The following PLEKHM2 variants were observed in gnomAD, a reference collection of about 807,000 sequenced individuals.
PLEKHM2 encodes the protein pleckstrin homology and RUN domain containing M2.
Under a neutral mutation model 116.3 loss-of-function variants are expected in PLEKHM2, and 77 were observed. That is an observed-to-expected ratio of 0.66 (90% CI 0.55 to 0.80). The LOEUF (loss-of-function observed/expected upper bound fraction) is 0.80. PLEKHM2 is among the 30% of genes least tolerant of loss of function. The pLI is 0.00. For missense variants in PLEKHM2, 1,183 were observed against 1,354.9 expected, an observed-to-expected ratio of 0.87 and a Z score of 1.99; for synonymous variants, 562 against 571.0, an observed-to-expected ratio of 0.98 and a Z score of 0.22.
intron 15 of PLEKHM2, 32 bp from the exon 16 acceptor site, chr1:15,731,160 G>C (rs187787997): frequency 7.8e-6 from 12 of 1,539,128 alleles, no homozygotes; most frequent in African/African-American, 1.4e-5. Context: ...TCCTGGGACA[G>C]GCCTCACTCG....
intron 1 of PLEKHM2, among the ~76,000 whole-genome samples, chr1:15,711,857 G>A (rs1464877915): frequency 1.3e-5 from 2 of 151,872 alleles, no homozygotes; most frequent in East Asian, 1.9e-4. Flanking sequence ...GGTGGCTCAC[G>A]CCTGTAATCC....
intron 1 of PLEKHM2, among the ~76,000 whole-genome samples, chr1:15,695,958 A>G (rs1571024255): frequency 1.4e-5 from 2 of 145,674 alleles, no homozygotes; most frequent in Admixed American, 7.1e-5. Context: ...GTGCACCACC[A>G]CGTCCAACTA....
intron 1 of PLEKHM2, among the ~76,000 whole-genome samples, chr1:15,689,188 T>A: frequency 6.9e-6 from 1 of 144,136 alleles, no homozygotes; most frequent in East Asian, 2.0e-4. Flanking sequence ...GCGGAGGTTG[T>A]GGTGAGTTGT....
intron 1 of PLEKHM2, 84 bp downstream of exon 1, chr1:15,684,702 C>T: frequency 4.1e-6 from 3 of 729,162 alleles, no homozygotes; most frequent in Non-Finnish European, 5.5e-6. Context: ...GGGCCGGGGC[C>T]CCCCGCCCTT....
intron 1 of PLEKHM2, among the ~76,000 whole-genome samples, chr1:15,696,955 A>T (rs981276043): frequency 2.0e-5 from 3 of 152,178 alleles, no homozygotes; most frequent in African/African-American, 7.2e-5. Context: ...GGGTCCCCCC[A>T]GGATCCCCCA....
chr1:15,699,667 C>G (rs1348873808), intron 1 of PLEKHM2, among the ~76,000 whole-genome samples: 2 of 152,068 alleles, frequency 1.3e-5, no homozygotes, highest in Non-Finnish European at 2.9e-5. Flanking sequence ...GTGCATGTGT[C>G]TTTACCACAT....
chr1:15,731,930 A>G lies in PLEKHM2; in HGVS notation c.2507A>G (p.Asp836Gly). The G allele has an allele frequency of 6.2e-7, 1 of 1,611,462 alleles. No homozygotes were observed. The highest frequency in any genetic ancestry group is 8.5e-7 in the Non-Finnish European group (1 of 1,179,340). Residue 836 changes from aspartate (D) to glycine (G), a missense_variant, in exon 17 of 20, where the codon GAT (aspartate) becomes GGT (glycine). By Grantham distance (94) the Asp-to-Gly change is moderately conservative. Transcript: ENST00000375799. ...CGGCRRANTT[D>G]RPHAFQVILS... ...GGCTGCCGGAGAGCCAACACCACGG[A>G]TCGGCCCCACGCCTTCCAGGTCATT...
rs775550852 is a variant in PLEKHM2 at position 15,731,206 on chromosome 1, A to G, written c.2414A>G (p.Tyr805Cys). 1.9e-6 allele frequency: 3 copies of G among 1,597,048 alleles called. 1 individual carries two copies. The South Asian group carries it at 3.4e-5, about 18-fold the overall frequency. Residue 805 changes from tyrosine to cysteine, a missense_variant, in exon 16 of 20, where the codon TAC (tyrosine) becomes TGC (cysteine). By Grantham distance (194) the Tyr-to-Cys change is radical. Coordinates refer to ENST00000375799, the MANE Select transcript of PLEKHM2 (RefSeq NM_015164.4). The part of the protein sequence containing the change: ...CFVVLSNGIL[Y>C]QYPDRTDVIP... ...TGCCCCTGCAGCAACGGGATCCTCT[A>G]CCAGTACCCGGACCGCACCGACGTC...
rs146624510 is a variant in PLEKHM2 at position 15,691,674 on chromosome 1, C to T, written c.60+7056C>T. Among the ~76,000 whole-genome samples, 251 of 152,284 alleles carry T rather than the reference C, an allele frequency of 1.6e-3. 1 individual carries two copies. The highest frequency in any genetic ancestry group is 6.8e-3 in the Middle Eastern group (2 of 294). On this transcript the variant is annotated intron_variant, in intron 1 of 19. Transcript: ENST00000375799. The stretch of plus-strand genomic sequence containing the variant: ...CCTAGTCGGGATCGGGATTTACTGG[C>T]GCTGGTGAATGAGCCACAGCTGTTG...
In PLEKHM2 at chr1:15,734,003, G is replaced by A. The variant is rs77963885; in HGVS notation, c.*69G>A. The A allele has an allele frequency of 4.5e-3, 6,863 of 1,523,044 alleles. 260 individuals carry two copies. In the African/African-American group the frequency reaches 0.082, roughly 18 times the overall value. The allele number at this position is 1,523,044 out of a possible 1,614,324, so 94.3% of individuals were successfully genotyped here. A position where few individuals can be genotyped will look rare whatever the true frequency, so the allele number is the denominator to read the frequency against. The stretch of plus-strand genomic sequence containing the variant: ...CGCCAGCCGGCAGGCACACTGTCAC[G>A]GCTGTTGTCATGCTGTCGGGAGCCT... On this transcript the variant is annotated 3_prime_UTR_variant, in exon 20 of 20. Transcript: ENST00000375799.
chr1:15,733,980 C>T lies in PLEKHM2; in HGVS notation c.*46C>T, dbSNP rs1157469002. The stretch of plus-strand genomic sequence containing the variant: ...CTGGTGGGCAGGAAAGGAAGGCACG[C>T]CAGCCGGCAGGCACACTGTCACGGC... On this transcript the variant is annotated 3_prime_UTR_variant, in exon 20 of 20. Coordinates refer to ENST00000375799, the MANE Select transcript of PLEKHM2 (RefSeq NM_015164.4). The T allele has an allele frequency of 6.3e-7, 1 of 1,579,574 alleles. No homozygotes were observed.
intron 1 of PLEKHM2, among the ~76,000 whole-genome samples, chr1:15,703,080 T>A (rs972251231): frequency 7.2e-5 from 11 of 152,216 alleles, no homozygotes; most frequent in Non-Finnish European, 1.6e-4. Flanking sequence ...AGACCTGTCC[T>A]GCTGAGGCTC....
intron 1 of PLEKHM2, among the ~76,000 whole-genome samples, chr1:15,702,891 T>TAA (rs199966582): frequency 6.9e-6 from 1 of 144,414 alleles, no homozygotes. Flanking sequence ...CAGCTAACTT[T>TAA]AAAAAAAAAA....
Position 15,732,452 on chromosome 1 carries a change from T to G in PLEKHM2, c.2728T>G (p.Phe910Val), listed in dbSNP as rs2068159295. ...TCHEDCQTSF[F>V]RSLGTAKLGD... ...CCATGAGGATTGCCAGACCAGCTTC[T>G]TCCGCTCTTTGGGCACAGCCAAGCT... is the stretch of plus-strand genomic sequence containing the variant. Residue 910 changes from phenylalanine to valine, a missense_variant, in exon 18 of 20, where the codon TTC (phenylalanine) becomes GTC (valine). Around this residue, in one of 3 missense-constraint regions of PLEKHM2, gnomAD observed 594 missense variants for 720.1 expected, o/e 0.82. Transcript: ENST00000375799. The G allele has an allele frequency of 6.3e-7, 1 of 1,598,628 alleles. No homozygotes were observed. The highest frequency in any genetic ancestry group is 8.5e-7 in the Non-Finnish European group (1 of 1,173,034).
intron 7 of PLEKHM2, among the ~76,000 whole-genome samples, chr1:15,722,517 T>C (rs1463968895): frequency 6.6e-6 from 1 of 152,156 alleles, no homozygotes; most frequent in Non-Finnish European, 1.5e-5. Flanking sequence ...TGAGGGAACC[T>C]GGCCTCTGAA....
chr1:15,725,811 C>T (rs1048600842), intron 8 of PLEKHM2: 26 of 505,302 alleles, frequency 5.1e-5, no homozygotes, highest in South Asian at 2.5e-4. Context: ...GCCTACAGTC[C>T]GAGGTCAGGG....
rs1207623545 is a variant in PLEKHM2, at chr1:15,734,132, C to G, written c.*198C>G. ...CAGGTGCCCGGCACCCCTGGGCATC[C>G]TGCCCGACAGGTAGCGAATGGAGGT... On this transcript the variant is annotated 3_prime_UTR_variant, in exon 20 of 20. Coordinates refer to ENST00000375799, the MANE Select transcript of PLEKHM2 (RefSeq NM_015164.4). 2.3e-5 allele frequency: 14 copies of G among 613,418 alleles called. No homozygotes were observed. The highest frequency in any genetic ancestry group is 4.4e-4 in the Middle Eastern group (1 of 2,272). The allele number at this position is 613,418 out of a possible 1,614,324, so 38.0% of individuals were successfully genotyped here.
In PLEKHM2 at chr1:15,730,621, A is replaced by AC. The variant is rs746323800; in HGVS notation, c.2304dup (p.Glu769ArgfsTer128). ...TGGGCCCCACGCCCTGCCACTGCTC[A>AC]CCCCCCGAGGGCACCATCACCAAAG... is the stretch of plus-strand genomic sequence containing the variant. On this transcript the variant is annotated frameshift_variant, in exon 15 of 20. Coordinates refer to ENST00000375799, the MANE Select transcript of PLEKHM2 (RefSeq NM_015164.4). LOFTEE classifies it high-confidence loss of function. 1 of 1,607,030 alleles carries AC rather than the reference A, an allele frequency of 6.2e-7. No homozygotes were observed.
rs1488960767 is a variant in PLEKHM2 at position 15,727,499 on chromosome 1, C to G, written c.1427C>G (p.Thr476Arg). ...RFTVESPSTVTSGGGHHDPAG... is the reference protein window; with the variant it reads ...RFTVESPSTVRSGGGHHDPAG... ...ACCGTCGAGAGTCCAAGCACTGTTA[C>G]ATCAGGTGGCGGCCACCATGACCCT... Residue 476 changes from threonine to arginine, a missense_variant, in exon 9 of 20, where the codon ACA becomes AGA. Thr to Arg is a moderately conservative substitution (Grantham distance 71). Coordinates refer to ENST00000375799, the MANE Select transcript of PLEKHM2 (RefSeq NM_015164.4). This position sits in a 1 kb window ranked among gnomAD's most constrained non-coding sequence, Gnocchi z 7.5. 1 of 1,587,126 alleles carries G rather than the reference C, an allele frequency of 6.3e-7. No homozygotes were observed. The highest frequency in any genetic ancestry group is 1.8e-5 in the Admixed American group (1 of 55,772).
Sources: allele counts gnomAD v4.1 joint callset (sites outside exome capture counted in the v4.1 genomes callset), GRCh38; gene constraint gnomAD v4.1.1; regional missense constraint gnomAD v4.1.1; non-coding constraint Gnocchi (gnomAD v3.1); transcripts MANE v1.5; gene names NCBI Gene and HGNC (gene_info 2026-07-23, HGNC 2026-07-21).